Variants in SLC4A10 observed in about 807,000 individuals in gnomAD.
The protein encoded by SLC4A10 is solute carrier family 4 member 10, also known as sodium-driven chloride bicarbonate exchanger.
SLC4A10 carries 42 observed loss-of-function variants against 137.7 expected under a neutral mutation model. That is an observed-to-expected ratio of 0.30 (90% confidence interval 0.24 to 0.39). The LOEUF (loss-of-function observed/expected upper bound fraction) is 0.39, where lower values mean the gene tolerates loss of function less well. Ranked by LOEUF, SLC4A10 falls within the 10% of genes least tolerant of loss-of-function variation. The pLI is 1.00. For missense variants in SLC4A10, 925 were observed against 1,355.0 expected (o/e 0.68, Z 4.98); for synonymous variants, 474 against 464.1 (o/e 1.02, Z -0.27).
intron 22 of SLC4A10, among the ~76,000 whole-genome samples, chr2:161,964,800 A>G (rs917028222): frequency 3.3e-5 from 5 of 152,128 alleles, no homozygotes; most frequent in Non-Finnish European, 5.9e-5. Flanking sequence ...TACATTTTAT[A>G]GGTTTTTTAA....
chr2:161,678,005 G>T (rs143081291), intron 1 of SLC4A10, among the ~76,000 whole-genome samples: 1 of 152,086 alleles, frequency 6.6e-6, no homozygotes, highest in Non-Finnish European at 1.5e-5. Flanking sequence ...ACTTCCAAAG[G>T]CTTAGATAAG....
chr2:161,866,342 T>C (rs2060747603), intron 6 of SLC4A10, among the ~76,000 whole-genome samples: 1 of 152,018 alleles, frequency 6.6e-6, no homozygotes, highest in South Asian at 2.1e-4. Flanking sequence ...TCCATTCCTT[T>C]TTTAGTGATT....
chr2:161,892,523 C>T lies in SLC4A10; in HGVS notation c.1195-2156C>T, dbSNP rs563276313. Among the ~76,000 whole-genome samples, 6 of 152,110 alleles carry T rather than the reference C, an allele frequency of 3.9e-5. No individual in the cohort carries two copies. In the South Asian group the frequency reaches 6.2e-4, roughly 16 times the overall value. ...TTATCAGACCAATAATGTTTTGTGA[C>T]GTGTTCTTAGTTGGAAAGTCAATAA... is the stretch of plus-strand genomic sequence containing the variant. On this transcript the variant is annotated intron_variant, in intron 10 of 26. Transcript: ENST00000446997.
Position 161,841,668 on chromosome 2 carries a change from T to TA in SLC4A10, c.416+1747dup, listed in dbSNP as rs571306136. On this transcript the variant is annotated intron_variant, in intron 4 of 26. Coordinates refer to ENST00000446997, the MANE Select transcript of SLC4A10 (RefSeq NM_001178015.2). ...GTGGTCTTTACAGCTCTCCTTTATT[T>TA]AAAAAACACTAAAAACGAGACAACC... Among the ~76,000 whole-genome samples, 103 of 152,290 alleles carry TA rather than the reference T, an allele frequency of 6.8e-4. 1 individual carries two copies. The highest frequency in any genetic ancestry group is 1.2e-3 in the Non-Finnish European group (84 of 68,026).
At chr2:161,835,770 G>C (rs1010427879) in intron 3 of SLC4A10, among the ~76,000 whole-genome samples, 3 of 152,150 alleles carry the variant, frequency 2.0e-5, no homozygotes, top group Non-Finnish European at 4.4e-5. Context: ...TATATATCCT[G>C]CTGTACCTGA....
intron 1 of SLC4A10, among the ~76,000 whole-genome samples, chr2:161,678,759 G>A (rs2040533722): frequency 6.6e-6 from 1 of 151,986 alleles, no homozygotes; most frequent in African/African-American, 2.4e-5. Context: ...ATATCATTAT[G>A]TCTGTGATAC....
chr2:161,910,983 A>G (rs1575599781), intron 15 of SLC4A10, among the ~76,000 whole-genome samples: 1 of 152,130 alleles, frequency 6.6e-6, no homozygotes, highest in East Asian at 1.9e-4. Context: ...TACATTAAGT[A>G]TCACTTAATA....
At chr2:161,731,763 T>G (rs867865215) in intron 1 of SLC4A10, among the ~76,000 whole-genome samples, 29 of 152,148 alleles carry the variant, frequency 1.9e-4, no homozygotes, top group Admixed American at 1.1e-3. Context: ...ACCCATGAGA[T>G]TATACATGAC....
At chr2:161,961,789 T>C (rs1575865182) in intron 21 of SLC4A10, among the ~76,000 whole-genome samples, 2 of 152,172 alleles carry the variant, frequency 1.3e-5, no homozygotes, top group African/African-American at 4.8e-5. Context: ...GGGGTGTGAA[T>C]CTTTTAAATG....
chr2:161,914,868 C>T (rs1686742012), intron 15 of SLC4A10, among the ~76,000 whole-genome samples: 1 of 152,038 alleles, frequency 6.6e-6, no homozygotes, highest in Admixed American at 6.6e-5. Flanking sequence ...TCGATAGTAA[C>T]AGGAGTCAGA....
At position 161,839,796 on chromosome 2, in the gene SLC4A10, A is replaced by G; in HGVS notation, c.285A>G (p.Pro95=). 6.2e-7 allele frequency: 1 copy of G among 1,613,746 alleles called. No individual in the cohort carries two copies. Among genetic ancestry groups the G allele is most frequent in the Non-Finnish European group, 8.5e-7 (1 of 1,179,762 alleles). ...DGRESPSFDT[P]SQRVQFILGT... is the part of the protein sequence containing the mutation. ...ATGTCTCTGATTTTTTAGACACCCC[A>G]TCACAGAGGGTACAGTTTATTCTTG... The change falls in exon 4 of 27, where the codon CCA becomes CCG. Residue 95 remains proline (P), a synonymous_variant. Coordinates refer to ENST00000446997, the MANE Select transcript of SLC4A10 (RefSeq NM_001178015.2).
intron 3 of SLC4A10, among the ~76,000 whole-genome samples, chr2:161,811,225 A>C (rs2056522086): frequency 1.3e-5 from 2 of 151,812 alleles, no homozygotes; most frequent in South Asian, 4.1e-4. Context: ...GTCATTTGTC[A>C]TTTTTGATTG....
chr2:161,812,810 G>A (rs1165185200), intron 3 of SLC4A10, among the ~76,000 whole-genome samples: 1 of 152,012 alleles, frequency 6.6e-6, no homozygotes, highest in African/African-American at 2.4e-5. Flanking sequence ...ATGGTGAATA[G>A]CACTAAGATG....
At chr2:161,872,920 G>C (rs550414559) in intron 7 of SLC4A10, among the ~76,000 whole-genome samples, 1 of 152,142 alleles carries the variant, frequency 6.6e-6, no homozygotes, top group African/African-American at 2.4e-5. Context: ...CACCATCTTG[G>C]ACAGGCTGGT....
intron 1 of SLC4A10, among the ~76,000 whole-genome samples, chr2:161,703,001 A>AT (rs1380227865): frequency 6.6e-6 from 1 of 151,676 alleles, no homozygotes; most frequent in Non-Finnish European, 1.5e-5. Context: ...TTTTGAGACC[A>AT]TTTTTCTACA....
chr2:161,822,559 C>A (rs2057712374), intron 3 of SLC4A10, among the ~76,000 whole-genome samples: 1 of 152,132 alleles, frequency 6.6e-6, no homozygotes, highest in East Asian at 1.9e-4. Flanking sequence ...AGATAACAGG[C>A]TAATTAAAAA....
chr2:161,715,273 G>A (rs2044724260), intron 1 of SLC4A10, among the ~76,000 whole-genome samples: 1 of 151,932 alleles, frequency 6.6e-6, no homozygotes, highest in Admixed American at 6.6e-5. Context: ...TATTCTAAAT[G>A]CCAAATTGAG....
chr2:161,785,502 A>G (rs1394971191), intron 2 of SLC4A10, among the ~76,000 whole-genome samples: 1 of 151,878 alleles, frequency 6.6e-6, no homozygotes, highest in African/African-American at 2.4e-5. Flanking sequence ...TGAATTCAAC[A>G]GTACATTAAA....
At chr2:161,737,807 G>C (rs1268912080) in intron 1 of SLC4A10, among the ~76,000 whole-genome samples, 1 of 152,018 alleles carries the variant, frequency 6.6e-6, no homozygotes, top group Admixed American at 6.6e-5. Context: ...TATTTGCTTT[G>C]GTTCTCAGAT....
Sources: allele counts gnomAD v4.1 joint callset (sites outside exome capture counted in the v4.1 genomes callset), GRCh38; gene constraint gnomAD v4.1.1; transcripts MANE v1.5; gene names NCBI Gene and HGNC (gene_info 2026-07-23, HGNC 2026-07-21).